Variants in COL8A1 observed in about 807,000 individuals in gnomAD.
The protein encoded by COL8A1 is collagen type VIII alpha 1 chain.
COL8A1 carries 21 observed loss-of-function variants against 42.7 expected under a neutral mutation model. The observed-to-expected ratio is 0.49, with a 90% CI of 0.35 to 0.71. COL8A1 has a LOEUF of 0.71. Ranked by LOEUF, COL8A1 falls within the 30% of genes least tolerant of loss-of-function variation. The pLI is 0.01. For missense variants in COL8A1, 788 were observed against 962.4 expected (o/e 0.82, Z 2.40); for synonymous variants, 367 against 369.1 (o/e 0.99, Z 0.06).
chr3:99,682,037 G>A (rs540328760), intron 1 of COL8A1, among the ~76,000 whole-genome samples: 57 of 152,258 alleles, frequency 3.7e-4, no homozygotes, highest in Non-Finnish European at 5.9e-4. Flanking sequence ...GAATAAGAAA[G>A]GGAAACTATT....
intron 1 of COL8A1, among the ~76,000 whole-genome samples, chr3:99,715,088 G>A (rs985593164): frequency 5.9e-5 from 9 of 152,028 alleles, no homozygotes; most frequent in Admixed American, 2.0e-4. Flanking sequence ...CACATAGGAC[G>A]TCTAGCCTAA....
At chr3:99,773,359 C>T (rs989147696) in intron 2 of COL8A1, among the ~76,000 whole-genome samples, 1 of 152,212 alleles carries the variant, frequency 6.6e-6, no homozygotes, top group South Asian at 2.1e-4. Flanking sequence ...AGGGGAATGG[C>T]AGCCAAGAGT....
chr3:99,752,606 CT>C (rs1941174723), intron 2 of COL8A1, among the ~76,000 whole-genome samples: 1 of 152,024 alleles, frequency 6.6e-6, no homozygotes, highest in Non-Finnish European at 1.5e-5. Flanking sequence ...TTGCACTCAC[CT>C]ATTTCCCATG....
chr3:99,658,501 T>C (rs1005203373), intron 1 of COL8A1, among the ~76,000 whole-genome samples: 35 of 152,194 alleles, frequency 2.3e-4, no homozygotes, highest in African/African-American at 7.2e-4. Flanking sequence ...TCACTGTTTC[T>C]GTTTAACTAA....
chr3:99,648,317 T>C (rs1266786561), intron 1 of COL8A1, among the ~76,000 whole-genome samples: 2 of 152,084 alleles, frequency 1.3e-5, no homozygotes, highest in Non-Finnish European at 2.9e-5. Context: ...TGTCCTATCA[T>C]GGAGGAAAAA....
chr3:99,649,868 G>T (rs1937782738), intron 1 of COL8A1, among the ~76,000 whole-genome samples: 1 of 152,102 alleles, frequency 6.6e-6, no homozygotes, highest in Admixed American at 6.5e-5. Context: ...GGCATAAGAT[G>T]AATGCCTAAT....
chr3:99,654,074 A>G (rs759073426), intron 1 of COL8A1, among the ~76,000 whole-genome samples: 2 of 152,184 alleles, frequency 1.3e-5, no homozygotes, highest in South Asian at 4.1e-4. Context: ...CCACTGGTGT[A>G]AGTCCAAGAC....
At chr3:99,655,810 G>A (rs114008256) in intron 1 of COL8A1, among the ~76,000 whole-genome samples, 1,980 of 152,208 alleles carry the variant, frequency 0.013, 46 homozygotes, top group Admixed American at 0.042. Flanking sequence ...TAACACACGT[G>A]GTTCTCTGAG....
At chr3:99,681,282 C>T (rs960559641) in intron 1 of COL8A1, among the ~76,000 whole-genome samples, 1 of 152,050 alleles carries the variant, frequency 6.6e-6, no homozygotes, top group Admixed American at 6.6e-5. Context: ...AGAACTTAAA[C>T]AAATTTACAA....
At chr3:99,744,038 C>G (rs1432592749) in intron 1 of COL8A1, among the ~76,000 whole-genome samples, 2 of 151,982 alleles carry the variant, frequency 1.3e-5, no homozygotes, top group Non-Finnish European at 2.9e-5. Flanking sequence ...ACGCCATTCT[C>G]CTGCCTCAGC....
chr3:99,738,509 T>A (rs1230498210), intron 1 of COL8A1, among the ~76,000 whole-genome samples: 3 of 152,242 alleles, frequency 2.0e-5, no homozygotes, highest in Non-Finnish European at 4.4e-5. Flanking sequence ...GTGCCCCTGC[T>A]GGGGGTGCCT....
At chr3:99,740,330 C>T (rs1424352443) in intron 1 of COL8A1, among the ~76,000 whole-genome samples, 1 of 152,166 alleles carries the variant, frequency 6.6e-6, no homozygotes, top group Non-Finnish European at 1.5e-5. Flanking sequence ...AGTACCAGTA[C>T]CAACTTACTG....
At chr3:99,712,593 C>A (rs769171812) in intron 1 of COL8A1, among the ~76,000 whole-genome samples, 4 of 152,096 alleles carry the variant, frequency 2.6e-5, no homozygotes, top group Non-Finnish European at 4.4e-5. Flanking sequence ...CCCATATCTG[C>A]AGAGATGATG....
intron 2 of COL8A1, 89 bp from the exon 3 acceptor site, chr3:99,790,591 C>T: frequency 9.6e-7 from 1 of 1,041,152 alleles, no homozygotes; most frequent in East Asian, 2.5e-5. Context: ...GACTGTTTCC[C>T]TTTTTTTTCC....
chr3:99,683,180 T>A (rs1469025677), intron 1 of COL8A1, among the ~76,000 whole-genome samples: 1 of 152,248 alleles, frequency 6.6e-6, no homozygotes, highest in East Asian at 1.9e-4. Context: ...GTACTTATCA[T>A]ATTTTAATTA....
intron 1 of COL8A1, among the ~76,000 whole-genome samples, chr3:99,730,588 C>T (rs1378957687): frequency 6.6e-6 from 1 of 151,940 alleles, no homozygotes; most frequent in Non-Finnish European, 1.5e-5. Flanking sequence ...AACTAGCCTC[C>T]AAAAATGAAA....
At chr3:99,656,260 A>T (rs919340294) in intron 1 of COL8A1, among the ~76,000 whole-genome samples, 2 of 152,244 alleles carry the variant, frequency 1.3e-5, no homozygotes, top group Non-Finnish European at 1.5e-5. Flanking sequence ...GCAAACACAC[A>T]TGCATAAATG....
At chr3:99,746,568 A>C (rs538755231) in intron 2 of COL8A1, among the ~76,000 whole-genome samples, 2 of 152,350 alleles carry the variant, frequency 1.3e-5, no homozygotes, top group South Asian at 4.1e-4. Context: ...ATAAAAATGC[A>C]GAAGGTGGTT....
At chr3:99,768,383 AC>A (rs1941505143) in intron 2 of COL8A1, among the ~76,000 whole-genome samples, 1 of 152,224 alleles carries the variant, frequency 6.6e-6, no homozygotes, top group South Asian at 2.1e-4. Context: ...ATCACTAGCT[AC>A]CAGATACTTT....
Sources: allele counts gnomAD v4.1 joint callset (sites outside exome capture counted in the v4.1 genomes callset), GRCh38; gene constraint gnomAD v4.1.1; transcripts MANE v1.5; gene names NCBI Gene and HGNC (gene_info 2026-07-23, HGNC 2026-07-21).